The following SPHKAP variants were observed in gnomAD, a reference collection of about 807,000 sequenced individuals.
SPHKAP encodes the protein SPHK1 interactor, AKAP domain containing, also known as A-kinase anchor protein SPHKAP.
A neutral mutation model predicts 137.5 loss-of-function variants in SPHKAP; 67 were observed. That is an observed-to-expected ratio of 0.49 (90% CI 0.40 to 0.60). The LOEUF is 0.60. SPHKAP is among the 20% of genes least tolerant of loss of function. The pLI, the probability that SPHKAP is intolerant of heterozygous loss-of-function variation, is 0.00. For missense variants in SPHKAP, 2,097 were observed against 2,069.3 expected, an observed-to-expected ratio of 1.01 and a Z score of -0.26; for synonymous variants, 813 against 785.3, an observed-to-expected ratio of 1.04 and a Z score of -0.59.
chr2:228,005,226 A>T (rs1223400486), intron 7 of SPHKAP, among the ~76,000 whole-genome samples: 1 of 152,104 alleles, frequency 6.6e-6, no homozygotes, highest in Non-Finnish European at 1.5e-5. Flanking sequence ...TGCTTTATGA[A>T]TCTGGGTGCT....
chr2:228,107,576 G>A (rs1458440309), intron 3 of SPHKAP, among the ~76,000 whole-genome samples: 2 of 152,090 alleles, frequency 1.3e-5, no homozygotes, highest in Non-Finnish European at 1.5e-5. Context: ...ACAATTTTTA[G>A]TACCTCAACT....
intron 7 of SPHKAP, among the ~76,000 whole-genome samples, chr2:228,006,452 T>A (rs185983692): frequency 1.7e-3 from 252 of 152,340 alleles, no homozygotes; most frequent in African/African-American, 5.6e-3. Flanking sequence ...TAATCTTTTT[T>A]CAAGGTTTTT....
intron 1 of SPHKAP, among the ~76,000 whole-genome samples, chr2:228,149,920 T>C (rs1022698644): frequency 5.3e-5 from 8 of 152,162 alleles, no homozygotes; most frequent in African/African-American, 1.9e-4. Flanking sequence ...TGTTTTACTG[T>C]TTGTTTCTCA....
intron 7 of SPHKAP, among the ~76,000 whole-genome samples, chr2:228,003,892 T>TA (rs1694013943): frequency 6.6e-6 from 1 of 152,234 alleles, no homozygotes; most frequent in Non-Finnish European, 1.5e-5. Context: ...TGAACCAGCC[T>TA]TGCATCCCAG....
chr2:228,066,383 T>G lies in SPHKAP; in HGVS notation c.247-38840A>C, dbSNP rs147655271. On this transcript the variant is annotated intron_variant, in intron 3 of 11. Transcript: ENST00000392056. ...CATTGTCAGCCACAGGTCACATTCT[T>G]TTTGTACCTTCCAGCCTTGTCTCTC... Among the ~76,000 whole-genome samples the G allele has an allele frequency of 2.5e-3, 385 of 152,300 alleles. 2 individuals are homozygous for G. The highest frequency in any genetic ancestry group is 8.9e-3 in the African/African-American group (371 of 41,572).
intron 2 of SPHKAP, among the ~76,000 whole-genome samples, chr2:228,129,688 A>G (rs955168072): frequency 1.3e-5 from 2 of 151,888 alleles, no homozygotes; most frequent in Non-Finnish European, 2.9e-5. Flanking sequence ...GTAAATGTAT[A>G]TATTTATGTA....
intron 1 of SPHKAP, among the ~76,000 whole-genome samples, chr2:228,136,732 A>C (rs889747540): frequency 6.6e-6 from 1 of 152,234 alleles, no homozygotes; most frequent in African/African-American, 2.4e-5. Flanking sequence ...AGAGTTTGAG[A>C]AACACTTACG....
chr2:228,084,758 C>T (rs1377492991), intron 3 of SPHKAP, among the ~76,000 whole-genome samples: 1 of 152,116 alleles, frequency 6.6e-6, no homozygotes, highest in East Asian at 1.9e-4. Context: ...ATTCCTTGTT[C>T]TTTAGATCAA....
intron 3 of SPHKAP, among the ~76,000 whole-genome samples, chr2:228,092,630 T>C (rs1480861682): frequency 6.8e-6 from 1 of 147,862 alleles, no homozygotes; most frequent in African/African-American, 2.5e-5. Flanking sequence ...TATATGTGTA[T>C]ATTATATGTG....
At chr2:228,055,773 A>G (rs1559149929) in intron 3 of SPHKAP, among the ~76,000 whole-genome samples, 2 of 152,230 alleles carry the variant, frequency 1.3e-5, no homozygotes, top group Non-Finnish European at 2.9e-5. Context: ...AGCTGTGCTT[A>G]ATGGCAAACC....
intron 3 of SPHKAP, among the ~76,000 whole-genome samples, chr2:228,096,523 C>T (rs554962081): frequency 1.6e-4 from 25 of 152,148 alleles, no homozygotes; most frequent in Non-Finnish European, 3.1e-4. Flanking sequence ...CTTGCCCATA[C>T]GAAAACTGCA....
intron 3 of SPHKAP, among the ~76,000 whole-genome samples, chr2:228,076,541 T>C (rs1199460779): frequency 1.3e-5 from 2 of 152,148 alleles, no homozygotes; most frequent in Non-Finnish European, 2.9e-5. Context: ...GTGACTCTTG[T>C]GTTATTTTAG....
At chr2:228,004,075 T>C (rs1694024525) in intron 7 of SPHKAP, among the ~76,000 whole-genome samples, 1 of 152,214 alleles carries the variant, frequency 6.6e-6, no homozygotes, top group Non-Finnish European at 1.5e-5. Context: ...GCTGGCCTCA[T>C]AAAATGAGTT....
At chr2:228,131,394 C>T in intron 2 of SPHKAP, 2 of 745,328 alleles carry the variant, frequency 2.7e-6, no homozygotes, top group Non-Finnish European at 3.3e-6. Flanking sequence ...AGTTTTGGGG[C>T]CTTAGATTTG....
chr2:228,049,834 T>G (rs1486078950), intron 3 of SPHKAP, among the ~76,000 whole-genome samples: 2 of 152,204 alleles, frequency 1.3e-5, no homozygotes, highest in Admixed American at 1.3e-4. Flanking sequence ...ATTTCATTGT[T>G]TTTTTATGGC....
Position 228,073,281 on chromosome 2 carries a change from CA to C in SPHKAP, c.246+35550del, listed in dbSNP as rs576277774. On this transcript the variant is annotated intron_variant, in intron 3 of 11. Coordinates refer to ENST00000392056, the MANE Select transcript of SPHKAP (RefSeq NM_001142644.2). ...AATTACAGAATTAGGATAAGGGCTT[CA>C]AATTGAATAAGTGTTGGTTCATACA... 3.9e-5 allele frequency among the ~76,000 whole-genome samples: 6 copies of C among 152,270 alleles called. No homozygotes were observed. In the South Asian group the frequency reaches 1.2e-3, roughly 32 times the overall value.
chr2:227,980,027 A>G lies in SPHKAP; in HGVS notation c.*1690T>C, dbSNP rs1692942418. 6.6e-6 allele frequency: 1 copy of G among 152,654 alleles called. No homozygotes were observed. The highest frequency in any genetic ancestry group is 2.4e-5 in the African/African-American group (1 of 41,460). 9.5% of individuals were successfully genotyped at this position (152,654 alleles called of 1,614,324 possible). On this transcript the variant is annotated 3_prime_UTR_variant, in exon 12 of 12. Coordinates refer to ENST00000392056, the MANE Select transcript of SPHKAP (RefSeq NM_001142644.2). ...TAGATAACTTCATCACATGGTTACA[A>G]TCCAGTATTTGAGCTTTGTAAGATA...
In SPHKAP at chr2:228,111,439, G is replaced by C. The variant is rs1434393566; in HGVS notation, c.139-2500C>G. On this transcript the variant is annotated intron_variant, in intron 2 of 11. Transcript: ENST00000392056. ...GGTTTTACTGTTACTATTTGAAGGT[G>C]GCTGAAAAGGATAATAGAACATTGG... Among the ~76,000 whole-genome samples, 5 of 152,228 alleles carry C rather than the reference G, an allele frequency of 3.3e-5. No individual in the cohort carries two copies. In the East Asian group the frequency reaches 9.7e-4, roughly 29 times the overall value.
At chr2:228,063,262 C>A (rs1479430222) in intron 3 of SPHKAP, among the ~76,000 whole-genome samples, 1 of 152,064 alleles carries the variant, frequency 6.6e-6, no homozygotes, top group East Asian at 1.9e-4. Flanking sequence ...CATTCTATTA[C>A]TGCCTAATTA....
Sources: allele counts gnomAD v4.1 joint callset (sites outside exome capture counted in the v4.1 genomes callset), GRCh38; gene constraint gnomAD v4.1.1; transcripts MANE v1.5; gene names NCBI Gene and HGNC (gene_info 2026-07-23, HGNC 2026-07-21).